Variants in LDLRAD3 observed in about 807,000 individuals in gnomAD.
LDLRAD3 encodes the protein low density lipoprotein receptor class A domain containing 3.
In LDLRAD3, 20 loss-of-function variants were observed where a neutral mutation model predicts 29.4. The observed-to-expected ratio is 0.68, with a 90% CI of 0.48 to 0.99. The LOEUF is 0.99. Among genes scored for constraint, LDLRAD3 ranks in the 50% least tolerant of loss-of-function variants. LDLRAD3 has a pLI of 0.00. For synonymous variants in LDLRAD3, 157 were observed against 192.7 expected, an observed-to-expected ratio of 0.81 and a Z score of 1.53; for missense variants, 420 against 454.3, an observed-to-expected ratio of 0.92 and a Z score of 0.69.
At chr11:36,219,418 T>G (rs1004057338) in intron 4 of LDLRAD3, among the ~76,000 whole-genome samples, 34 of 152,226 alleles carry the variant, frequency 2.2e-4, no homozygotes, top group African/African-American at 8.2e-4. Context: ...ACTATAAAGC[T>G]GTAGTTAACA....
chr11:36,017,038 C>T (rs182432057), intron 1 of LDLRAD3, among the ~76,000 whole-genome samples: 1 of 152,218 alleles, frequency 6.6e-6, no homozygotes, highest in Non-Finnish European at 1.5e-5. Context: ...CCATTTAGTC[C>T]ATCCCTAAAG....
At chr11:36,088,974 A>G (rs1853236936) in intron 3 of LDLRAD3, among the ~76,000 whole-genome samples, 1 of 151,880 alleles carries the variant, frequency 6.6e-6, no homozygotes, top group South Asian at 2.1e-4. Context: ...CCTTCCCCAC[A>G]CTTACTGTCT....
chr11:36,094,856 T>C (rs1370940111), intron 3 of LDLRAD3, among the ~76,000 whole-genome samples: 3 of 152,188 alleles, frequency 2.0e-5, no homozygotes, highest in African/African-American at 7.2e-5. Context: ...CATTTCTGAT[T>C]TTTTAATTTT....
chr11:36,036,533 G>A (rs755727), intron 2 of LDLRAD3, among the ~76,000 whole-genome samples: 3,236 of 152,168 alleles, frequency 0.021, 78 homozygotes, highest in East Asian at 0.092. Context: ...CCTTGCCTTC[G>A]CTTTATGTAC....
At chr11:36,163,708 AAGGGAGGG>A (rs755227320) in intron 4 of LDLRAD3, 2 of 140,252 alleles carry the variant, frequency 1.4e-5, no homozygotes, top group Non-Finnish European at 3.1e-5. Context: ...TTAGGGAAGG[AAGGGAGGG>A]AGGGAGGGAG....
At chr11:36,207,462 C>T (rs1176261094) in intron 4 of LDLRAD3, among the ~76,000 whole-genome samples, 1 of 152,020 alleles carries the variant, frequency 6.6e-6, no homozygotes, top group Non-Finnish European at 1.5e-5. Context: ...TCAGCCTGGG[C>T]AGCATAAGGA....
At chr11:36,104,220 G>A (rs1853493170) in intron 4 of LDLRAD3, among the ~76,000 whole-genome samples, 1 of 152,130 alleles carries the variant, frequency 6.6e-6, no homozygotes, top group Non-Finnish European at 1.5e-5. Flanking sequence ...CTAAGCTAGC[G>A]GGGAACCGAG....
intron 2 of LDLRAD3, among the ~76,000 whole-genome samples, chr11:36,057,000 G>A (rs1590231316): frequency 6.6e-6 from 1 of 152,096 alleles, no homozygotes; most frequent in East Asian, 1.9e-4. Context: ...CCAGGTGACT[G>A]TTGATGCACT....
At chr11:36,178,049 C>G (rs981297963) in intron 4 of LDLRAD3, among the ~76,000 whole-genome samples, 3 of 152,180 alleles carry the variant, frequency 2.0e-5, no homozygotes, top group Non-Finnish European at 4.4e-5. Context: ...TGCTGTGTTC[C>G]TGTGGTGGTT....
chr11:36,147,364 C>T (rs1009524575), intron 4 of LDLRAD3, among the ~76,000 whole-genome samples: 8 of 151,918 alleles, frequency 5.3e-5, no homozygotes, highest in Non-Finnish European at 1.2e-4. Flanking sequence ...GTGATCCACC[C>T]GCCTCGGCCT....
intron 1 of LDLRAD3, among the ~76,000 whole-genome samples, chr11:35,953,736 T>C (rs1262487690): frequency 6.6e-6 from 1 of 152,122 alleles, no homozygotes; most frequent in African/African-American, 2.4e-5. Context: ...TTGGGGGAAT[T>C]TGGGGAGGGG....
chr11:36,078,599 G>C (rs1484669389), intron 2 of LDLRAD3, among the ~76,000 whole-genome samples: 1 of 152,214 alleles, frequency 6.6e-6, no homozygotes, highest in Admixed American at 6.5e-5. Flanking sequence ...TGGGAGTAAG[G>C]GGGGCCCAGG....
chr11:36,159,646 T>C, intron 4 of LDLRAD3, among the ~76,000 whole-genome samples: 1 of 127,402 alleles, frequency 7.8e-6, no homozygotes, highest in Non-Finnish European at 1.6e-5. Flanking sequence ...GGTGACATGC[T>C]CCTGTAGTCC....
intron 1 of LDLRAD3, among the ~76,000 whole-genome samples, chr11:35,955,134 A>C (rs1235768908): frequency 6.6e-6 from 1 of 152,028 alleles, no homozygotes; most frequent in African/African-American, 2.4e-5. Flanking sequence ...AATCCCAGCT[A>C]CTCGGGAGGC....
chr11:36,061,626 G>T (rs1852701676), intron 2 of LDLRAD3, among the ~76,000 whole-genome samples: 2 of 152,170 alleles, frequency 1.3e-5, no homozygotes, highest in Non-Finnish European at 2.9e-5. Context: ...GCCCTGTTTT[G>T]GGCGGCTCTT....
At chr11:36,032,365 C>T (rs1852246104) in intron 1 of LDLRAD3, among the ~76,000 whole-genome samples, 1 of 152,170 alleles carries the variant, frequency 6.6e-6, no homozygotes, top group Non-Finnish European at 1.5e-5. Flanking sequence ...CAGGCAGCAA[C>T]TGGACCATGC....
At position 35,967,882 on chromosome 11, in the gene LDLRAD3, A is replaced by G. The variant is rs1274846499; in HGVS notation, c.46+23738A>G. Reference sequence around the variant, plus strand: ...TATCTTCTGCCTGTAAGGGGTAGTAATGTACCAGGTGGGGTGATGTCCAAA... The same window carrying G: ...TATCTTCTGCCTGTAAGGGGTAGTAGTGTACCAGGTGGGGTGATGTCCAAA... On this transcript the variant is annotated intron_variant, in intron 1 of 5. Coordinates refer to ENST00000315571, the MANE Select transcript of LDLRAD3 (RefSeq NM_174902.4). 23 of 397,122 alleles carry G rather than the reference A, an allele frequency of 5.8e-5. 1 individual carries two copies. Among genetic ancestry groups the G allele is most frequent in the Middle Eastern group, 6.3e-4 (1 of 1,582 alleles). 24.6% of individuals were successfully genotyped at this position (397,122 alleles called of 1,614,324 possible). A position where few individuals can be genotyped will look rare whatever the true frequency, so the allele number is the denominator to read the frequency against.
intron 4 of LDLRAD3, among the ~76,000 whole-genome samples, chr11:36,167,184 C>T (rs1854527457): frequency 6.6e-6 from 1 of 152,136 alleles, no homozygotes. Context: ...GTAGATGTTG[C>T]AGTCTTGAGT....
intron 4 of LDLRAD3, among the ~76,000 whole-genome samples, chr11:36,131,462 T>G (rs1853924813): frequency 6.6e-6 from 1 of 152,160 alleles, no homozygotes; most frequent in East Asian, 1.9e-4. Flanking sequence ...TAACTACTTT[T>G]TTGTTGCTTT....
Sources: gnomAD v4.1 joint callset for allele counts (sites outside exome capture counted in the v4.1 genomes callset) on GRCh38, gnomAD v4.1.1 for gene constraint, MANE v1.5 for transcripts, NCBI Gene and HGNC (gene_info 2026-07-23, HGNC 2026-07-21) for gene names.